The following KIAA0825 variants were observed in gnomAD, a reference collection of about 807,000 sequenced individuals.
KIAA0825 encodes the protein uncharacterized protein KIAA0825.
Under a neutral mutation model 147.6 loss-of-function variants are expected in KIAA0825, and 119 were observed. That is an observed-to-expected ratio of 0.81 (90% CI 0.69 to 0.94). The LOEUF (loss-of-function observed/expected upper bound fraction) is 0.94. KIAA0825 is among the 40% of genes least tolerant of loss of function. The pLI is 0.00. For synonymous variants in KIAA0825, 470 were observed against 518.1 expected (o/e 0.91, Z 1.26); for missense variants, 1,381 against 1,472.7 (o/e 0.94, Z 1.02).
chr5:94,164,422 T>A (rs1479298971), intron 20 of KIAA0825, among the ~76,000 whole-genome samples: 1 of 152,014 alleles, frequency 6.6e-6, no homozygotes, highest in Non-Finnish European at 1.5e-5. Context: ...CTTATTTTTT[T>A]TTTTTTTTAG....
chr5:94,593,238 A>T, intron 1 of KIAA0825: 1 of 763,238 alleles, frequency 1.3e-6, no homozygotes, highest in Non-Finnish European at 2.5e-6. Flanking sequence ...TGCTGTCAGA[A>T]TTTTCCTCTT....
At chr5:94,255,300 G>T (rs930948703) in intron 20 of KIAA0825, among the ~76,000 whole-genome samples, 29 of 151,748 alleles carry the variant, frequency 1.9e-4, no homozygotes, top group Admixed American at 4.6e-4. Flanking sequence ...ATTTTAGTTT[G>T]ATGTATTATA....
intron 2 of KIAA0825, among the ~76,000 whole-genome samples, chr5:94,564,841 CCCCATCA>C (rs1778307889): frequency 1.3e-5 from 2 of 152,104 alleles, no homozygotes; most frequent in Non-Finnish European, 2.9e-5. Context: ...AGGGTTCAAA[CCCCATCA>C]TCTGGATTAG....
intron 20 of KIAA0825, among the ~76,000 whole-genome samples, chr5:94,247,513 G>T (rs184065706): frequency 0.027 from 4,169 of 152,176 alleles, 208 homozygotes; most frequent in African/African-American, 0.096. Context: ...CAGCTTAGAT[G>T]TCAGGAAGAT....
At chr5:94,183,168 A>C (rs1458275832) in intron 20 of KIAA0825, among the ~76,000 whole-genome samples, 2 of 152,202 alleles carry the variant, frequency 1.3e-5, no homozygotes, top group Non-Finnish European at 2.9e-5. Context: ...CATTCAGCTA[A>C]AAGTATTAAA....
intron 2 of KIAA0825, among the ~76,000 whole-genome samples, chr5:94,542,636 G>A (rs559992838): frequency 1.3e-5 from 2 of 152,082 alleles, no homozygotes; most frequent in East Asian, 1.9e-4. Context: ...GCAAAACTCC[G>A]TCTCTACTAA....
chr5:94,474,212 A>G (rs1761570673), intron 7 of KIAA0825, among the ~76,000 whole-genome samples: 1 of 152,172 alleles, frequency 6.6e-6, no homozygotes, highest in African/African-American at 2.4e-5. Flanking sequence ...GGGTTGAGCT[A>G]CAGTTGAGGG....
At chr5:94,163,896 G>T (rs1040691733) in intron 20 of KIAA0825, among the ~76,000 whole-genome samples, 6 of 152,102 alleles carry the variant, frequency 3.9e-5, no homozygotes, top group African/African-American at 1.4e-4. Context: ...GGTAATGGTA[G>T]GAAATTAATT....
chr5:94,520,444 A>G lies in KIAA0825; in HGVS notation c.774T>C (p.Asp258=). Residue 258 remains aspartate (D), a synonymous_variant, in exon 5 of 21, where the codon GAT becomes GAC. Transcript: ENST00000682413. ...MLKLYSVIKE[D]FNTLCEILAP... ...CTAAAATTTCACATAGTGTGTTAAAATCCTCTTTTATTACTGAGTATAACT... is the reference window on the plus strand; with the variant it reads ...CTAAAATTTCACATAGTGTGTTAAAGTCCTCTTTTATTACTGAGTATAACT... 6.2e-7 allele frequency: 1 copy of G among 1,612,776 alleles called. No homozygotes were observed. The highest frequency in any genetic ancestry group is 1.1e-5 in the South Asian group (1 of 91,042).
intron 20 of KIAA0825, among the ~76,000 whole-genome samples, chr5:94,296,614 C>T (rs1292359500): frequency 6.6e-6 from 1 of 152,120 alleles, no homozygotes; most frequent in African/African-American, 2.4e-5. Context: ...GTGCACCGTT[C>T]CTCATGGCAA....
At chr5:94,392,409 A>G (rs1750016041) in intron 17 of KIAA0825, among the ~76,000 whole-genome samples, 1 of 152,226 alleles carries the variant, frequency 6.6e-6, no homozygotes, top group African/African-American at 2.4e-5. Flanking sequence ...TTTTAGAATG[A>G]TCTATATACA....
chr5:94,335,100 G>C (rs984981452), intron 20 of KIAA0825, among the ~76,000 whole-genome samples: 1 of 151,908 alleles, frequency 6.6e-6, no homozygotes, highest in Non-Finnish European at 1.5e-5. Context: ...TTTAATATCT[G>C]GTTGTTCGAT....
Position 94,246,657 on chromosome 5 carries a change from G to A in KIAA0825, c.3711-92533C>T, listed in dbSNP as rs1775631067. ...ATGGTGATCACTCCATAGCTATAAT[G>A]CATACATAGAGCAGATATGAGTTAT... On this transcript the variant is annotated intron_variant, in intron 20 of 20. Coordinates refer to ENST00000682413, the MANE Select transcript of KIAA0825 (RefSeq NM_001145678.3). Among the ~76,000 whole-genome samples the A allele has an allele frequency of 2.0e-5, 3 of 152,170 alleles. No homozygotes were observed. The South Asian group carries it at 6.2e-4, about 31-fold the overall frequency.
intron 2 of KIAA0825, among the ~76,000 whole-genome samples, chr5:94,546,266 T>C (rs535626941): frequency 7.2e-5 from 11 of 152,190 alleles, no homozygotes; most frequent in Admixed American, 3.9e-4. Context: ...ACAGTAGCTA[T>C]GAACCCACCT....
At chr5:94,526,332 C>T (rs935861300) in intron 3 of KIAA0825, among the ~76,000 whole-genome samples, 6 of 151,916 alleles carry the variant, frequency 3.9e-5, no homozygotes, top group African/African-American at 1.4e-4. Flanking sequence ...CACCCTCTGG[C>T]ACAGTGGGGA....
chr5:94,315,911 C>A (rs1779612994), intron 20 of KIAA0825, among the ~76,000 whole-genome samples: 2 of 151,654 alleles, frequency 1.3e-5, no homozygotes. Flanking sequence ...TGTCAGAATG[C>A]AGAACTTAAC....
intron 20 of KIAA0825, among the ~76,000 whole-genome samples, chr5:94,276,401 G>T (rs911925038): frequency 6.6e-6 from 1 of 152,030 alleles, no homozygotes; most frequent in Admixed American, 6.6e-5. Flanking sequence ...GAAATTGGTG[G>T]AGTAGGGTGA....
intron 15 of KIAA0825, chr5:94,415,349 G>A (rs939043823): frequency 3.3e-5 from 5 of 152,104 alleles, no homozygotes; most frequent in Non-Finnish European, 5.9e-5. Flanking sequence ...TAAATATTGC[G>A]GGATTATGAT....
intron 20 of KIAA0825, among the ~76,000 whole-genome samples, chr5:94,373,628 G>A (rs998318261): frequency 1.3e-5 from 2 of 152,076 alleles, no homozygotes; most frequent in African/African-American, 4.8e-5. Context: ...TCACTATCAT[G>A]AGAATAGCAT....
Sources: gnomAD v4.1 joint callset for allele counts (sites outside exome capture counted in the v4.1 genomes callset) on GRCh38, gnomAD v4.1.1 for gene constraint, MANE v1.5 for transcripts, NCBI Gene and HGNC (gene_info 2026-07-23, HGNC 2026-07-21) for gene names.